Variants in FBXL7 observed in about 807,000 individuals in gnomAD.
FBXL7 encodes F-box and leucine rich repeat protein 7, also known as F-box/LRR-repeat protein 7.
A neutral mutation model predicts 38.3 loss-of-function variants in FBXL7; 12 were observed. That is an observed-to-expected ratio of 0.31 (90% CI 0.20 to 0.51). FBXL7 has a LOEUF of 0.51. FBXL7 is among the 20% of genes least tolerant of loss of function. The probability of loss-of-function intolerance (pLI) is 0.98; values close to 1 mark genes in which losing one functional copy is unlikely to be tolerated. For missense variants in FBXL7, 567 were observed against 676.4 expected (o/e 0.84, Z 1.79); for synonymous variants, 297 against 300.9 (o/e 0.99, Z 0.13).
chr5:15,805,345 G>A (rs1262326882), intron 2 of FBXL7, among the ~76,000 whole-genome samples: 1 of 152,018 alleles, frequency 6.6e-6, no homozygotes, highest in African/African-American at 2.4e-5. Context: ...CAGTGAGGAG[G>A]GATGTTACCT....
intron 2 of FBXL7, among the ~76,000 whole-genome samples, chr5:15,890,003 A>G (rs1013130097): frequency 3.3e-5 from 5 of 152,180 alleles, no homozygotes; most frequent in Non-Finnish European, 7.4e-5. Context: ...TCCTGACTTT[A>G]GAATGAAAGA....
intron 2 of FBXL7, among the ~76,000 whole-genome samples, chr5:15,628,391 T>C (rs1444289168): frequency 3.3e-5 from 5 of 152,166 alleles, no homozygotes; most frequent in African/African-American, 1.2e-4. Context: ...GGAGCGAAGA[T>C]GTTTCCAGTA....
At chr5:15,644,743 C>G (rs13159972) in intron 2 of FBXL7, among the ~76,000 whole-genome samples, 52,386 of 151,908 alleles carry the variant, frequency 0.34, 9,244 homozygotes, top group East Asian at 0.5. Context: ...GCGCTCCTCA[C>G]TGTATGGTTT....
chr5:15,741,766 AT>A (rs1291778676), intron 2 of FBXL7, among the ~76,000 whole-genome samples: 17 of 152,202 alleles, frequency 1.1e-4, no homozygotes, highest in African/African-American at 4.1e-4. Flanking sequence ...TTATAGCACC[AT>A]TTAAAAATGT....
At chr5:15,530,022 A>T (rs1384175537) in intron 1 of FBXL7, among the ~76,000 whole-genome samples, 1 of 149,790 alleles carries the variant, frequency 6.7e-6, no homozygotes, top group Non-Finnish European at 1.5e-5. Flanking sequence ...CTGACATTGC[A>T]GTGTTTGGAA....
chr5:15,856,133 G>T (rs548289632), intron 2 of FBXL7, among the ~76,000 whole-genome samples: 3 of 152,008 alleles, frequency 2.0e-5, no homozygotes, highest in African/African-American at 7.2e-5. Context: ...TGACAGGGAG[G>T]TGAAAGGCAC....
intron 2 of FBXL7, among the ~76,000 whole-genome samples, chr5:15,757,606 A>G (rs1358017234): frequency 6.6e-6 from 1 of 151,704 alleles, no homozygotes. Context: ...GAGGTGATGC[A>G]CAGAAGAATC....
chr5:15,606,485 T>C (rs1740024177), intron 1 of FBXL7, among the ~76,000 whole-genome samples: 1 of 152,248 alleles, frequency 6.6e-6, no homozygotes, highest in South Asian at 2.1e-4. Flanking sequence ...ACTCCAGTTA[T>C]AGACATGGGT....
At chr5:15,512,701 G>A (rs952441317) in intron 1 of FBXL7, among the ~76,000 whole-genome samples, 1 of 152,132 alleles carries the variant, frequency 6.6e-6, no homozygotes, top group South Asian at 2.1e-4. Context: ...GTGTTTTTAA[G>A]CATTGCTGAA....
At chr5:15,581,515 G>T (rs1315523292) in intron 1 of FBXL7, among the ~76,000 whole-genome samples, 4 of 152,196 alleles carry the variant, frequency 2.6e-5, no homozygotes, top group Non-Finnish European at 4.4e-5. Flanking sequence ...AGAGAAAACA[G>T]CCGTTAGGGT....
intron 2 of FBXL7, among the ~76,000 whole-genome samples, chr5:15,723,310 T>C (rs1744252409): frequency 6.6e-6 from 1 of 151,740 alleles, no homozygotes; most frequent in South Asian, 2.1e-4. Flanking sequence ...ATAATAACTT[T>C]TGAATACTAG....
chr5:15,889,418 T>C (rs979671042), intron 2 of FBXL7, among the ~76,000 whole-genome samples: 10 of 152,188 alleles, frequency 6.6e-5, no homozygotes, highest in Admixed American at 5.9e-4. Flanking sequence ...GGAAAATCAC[T>C]AAGCGGCAGA....
At chr5:15,625,772 A>G (rs775025245) in intron 2 of FBXL7, among the ~76,000 whole-genome samples, 5 of 152,232 alleles carry the variant, frequency 3.3e-5, no homozygotes, top group Non-Finnish European at 5.9e-5. Flanking sequence ...TAATAATTTC[A>G]GCATGTACCT....
chr5:15,669,757 A>G (rs1742404671), intron 2 of FBXL7, among the ~76,000 whole-genome samples: 1 of 152,222 alleles, frequency 6.6e-6, no homozygotes, highest in Non-Finnish European at 1.5e-5. Context: ...TACAATGATC[A>G]TTATTAATGT....
intron 2 of FBXL7, among the ~76,000 whole-genome samples, chr5:15,741,564 T>A (rs763145436): frequency 6.6e-6 from 1 of 152,204 alleles, no homozygotes; most frequent in Non-Finnish European, 1.5e-5. Context: ...ATTGTTTTTC[T>A]TCTTTTCCCC....
At chr5:15,807,942 G>A (rs998282114) in intron 2 of FBXL7, among the ~76,000 whole-genome samples, 2 of 152,020 alleles carry the variant, frequency 1.3e-5, no homozygotes, top group Non-Finnish European at 2.9e-5. Context: ...AAAATCATGC[G>A]GCTTTTCTGA....
intron 2 of FBXL7, among the ~76,000 whole-genome samples, chr5:15,732,993 A>G (rs1343894937): frequency 6.6e-6 from 1 of 152,200 alleles, no homozygotes; most frequent in Non-Finnish European, 1.5e-5. Context: ...CTATCCAGAC[A>G]TTACAGAAAT....
At chr5:15,772,252 C>T (rs2126711898) in intron 2 of FBXL7, among the ~76,000 whole-genome samples, 1 of 152,280 alleles carries the variant, frequency 6.6e-6, no homozygotes, top group Non-Finnish European at 1.5e-5. Context: ...GTAGTTCAAC[C>T]TAAGGGAGAT....
intron 2 of FBXL7, among the ~76,000 whole-genome samples, chr5:15,884,360 G>A (rs1013679455): frequency 6.6e-6 from 1 of 151,644 alleles, no homozygotes; most frequent in African/African-American, 2.4e-5. Flanking sequence ...TCCACCTCCC[G>A]GGTTCACACC....
Sources: gnomAD v4.1 joint callset for allele counts (sites outside exome capture counted in the v4.1 genomes callset) on GRCh38, gnomAD v4.1.1 for gene constraint, MANE v1.5 for transcripts, NCBI Gene and HGNC (gene_info 2026-07-23, HGNC 2026-07-21) for gene names.